The following STARD13 variants were observed in gnomAD, a reference collection of about 807,000 sequenced individuals.
The protein encoded by STARD13 is stAR-related lipid transfer protein 13.
Under a neutral mutation model 106.4 loss-of-function variants are expected in STARD13, and 62 were observed. That is an observed-to-expected ratio of 0.58 (90% CI 0.48 to 0.72). The LOEUF (loss-of-function observed/expected upper bound fraction) is 0.72. Among genes scored for constraint, STARD13 ranks in the 30% least tolerant of loss-of-function variants. STARD13 has a pLI of 0.00. For missense variants in STARD13, 1,387 were observed against 1,424.0 expected (o/e 0.97, Z 0.42); for synonymous variants, 565 against 553.0 (o/e 1.02, Z -0.31).
chr13:33,459,024 T>C, the STARD13 span, among the ~76,000 whole-genome samples: 1 of 152,092 alleles, frequency 6.6e-6, no homozygotes, highest in Non-Finnish European at 1.5e-5. Context: ...ATTACAGGCG[T>C]GGGCACCTGT....
chr13:33,388,883 C>T, the STARD13 span, among the ~76,000 whole-genome samples: 16 of 152,042 alleles, frequency 1.1e-4, no homozygotes, highest in East Asian at 3.1e-3. Flanking sequence ...GTGTCCTGAG[C>T]TCCTAGTACC....
exon 1 of STARD13, chr13:33,350,556 G>A (rs1031497512): frequency 7.8e-6 from 11 of 1,408,474 alleles, no homozygotes; most frequent in African/African-American, 4.5e-5. Context: ...GACATGGGTC[G>A]GTCCGGCGCT....
At chr13:33,589,135 GTGA>G in the STARD13 span, among the ~76,000 whole-genome samples, 1 of 152,142 alleles carries the variant, frequency 6.6e-6, no homozygotes, top group African/African-American at 2.4e-5. Context: ...TGTGGGATCG[GTGA>G]TGATATCCCC....
chr13:33,358,289 C>T, the STARD13 span, among the ~76,000 whole-genome samples: 3 of 152,172 alleles, frequency 2.0e-5, no homozygotes, highest in South Asian at 2.1e-4. Context: ...CTGTGCAGCC[C>T]GAGCCTCCCC....
chr13:33,446,916 G>A, the STARD13 span, among the ~76,000 whole-genome samples: 1 of 152,178 alleles, frequency 6.6e-6, no homozygotes, highest in African/African-American at 2.4e-5. Flanking sequence ...GATCACAGAT[G>A]GCATAGCCCA....
At chr13:33,131,565 A>G (rs906135078) in intron 4 of STARD13, among the ~76,000 whole-genome samples, 2 of 152,158 alleles carry the variant, frequency 1.3e-5, no homozygotes, top group East Asian at 1.9e-4. Flanking sequence ...CCGCAGCAAC[A>G]AAGTGAGACA....
intron 1 of STARD13, among the ~76,000 whole-genome samples, chr13:33,284,601 A>AT (rs1891963128): frequency 6.6e-6 from 1 of 151,712 alleles, no homozygotes; most frequent in African/African-American, 2.4e-5. Context: ...CAATATAATA[A>AT]TTTCTTTTTT....
At chr13:33,487,409 A>C in the STARD13 span, among the ~76,000 whole-genome samples, 1 of 152,218 alleles carries the variant, frequency 6.6e-6, no homozygotes, top group Non-Finnish European at 1.5e-5. Flanking sequence ...TTAAAAATAC[A>C]CAAAATTACT....
At chr13:33,429,929 G>GGGT in the STARD13 span, among the ~76,000 whole-genome samples, 4 of 144,608 alleles carry the variant, frequency 2.8e-5, no homozygotes, top group African/African-American at 1.1e-4. Flanking sequence ...TTTTTTTTTG[G>GGGT]GGGGGGGGGA....
the STARD13 span, among the ~76,000 whole-genome samples, chr13:33,512,765 G>A: frequency 6.6e-6 from 1 of 152,042 alleles, no homozygotes; most frequent in African/African-American, 2.4e-5. Flanking sequence ...CACTGCGCTC[G>A]GCCGTTTTTT....
chr13:33,501,188 T>G, the STARD13 span, among the ~76,000 whole-genome samples: 1 of 147,894 alleles, frequency 6.8e-6, no homozygotes, highest in African/African-American at 2.5e-5. Context: ...GCAATTCTCC[T>G]GCCTCAACCT....
intron 1 of STARD13, among the ~76,000 whole-genome samples, chr13:33,237,759 A>G (rs1423890266): frequency 2.6e-5 from 4 of 152,222 alleles, no homozygotes; most frequent in East Asian, 1.9e-4. Flanking sequence ...GAGAAACACC[A>G]TATTTCCTCT....
chr13:33,361,094 C>T, the STARD13 span, among the ~76,000 whole-genome samples: 8 of 151,352 alleles, frequency 5.3e-5, no homozygotes, highest in East Asian at 3.9e-4. Context: ...CGTGAACCAC[C>T]GCGCCTGGCC....
At chr13:33,445,817 T>C in the STARD13 span, among the ~76,000 whole-genome samples, 2 of 152,040 alleles carry the variant, frequency 1.3e-5, no homozygotes, top group South Asian at 4.1e-4. Context: ...CAAGAACTAA[T>C]AAAGTGAGAA....
chr13:33,629,291 T>G, the STARD13 span, among the ~76,000 whole-genome samples: 1 of 152,236 alleles, frequency 6.6e-6, no homozygotes, highest in Admixed American at 6.5e-5. Flanking sequence ...AATAACACTT[T>G]AACTGGAAAT....
intron 1 of STARD13, among the ~76,000 whole-genome samples, chr13:33,335,877 G>A (rs2077890580): frequency 6.6e-6 from 1 of 152,242 alleles, no homozygotes; most frequent in African/African-American, 2.4e-5. Context: ...AGAAGCCTGG[G>A]CATTAAGTAC....
intron 1 of STARD13, among the ~76,000 whole-genome samples, chr13:33,261,384 A>T (rs760615815): frequency 2.0e-5 from 3 of 152,240 alleles, no homozygotes; most frequent in Non-Finnish European, 2.9e-5. Flanking sequence ...ATAGAGAGTA[A>T]CTACAAAAAT....
chr13:33,388,828 C>T, the STARD13 span, among the ~76,000 whole-genome samples: 1 of 152,134 alleles, frequency 6.6e-6, no homozygotes, highest in Non-Finnish European at 1.5e-5. Context: ...ATATGGGAGG[C>T]ATTGAGCATT....
At position 33,130,394 on chromosome 13, in the gene STARD13, C is replaced by G; in HGVS notation, c.388-105G>C. ...GTGTGGTCCTCCACCTCCCTCCCCT[C>G]TGTCCTCCCATGCACAGGTGTGAGC... is the stretch of plus-strand genomic sequence containing the variant. On this transcript the variant is annotated intron_variant, in intron 4 of 13. Transcript: ENST00000336934. This position sits in a 1 kb window ranked among gnomAD's most constrained non-coding sequence, Gnocchi z 4.1. The G allele has an allele frequency of 9.0e-7, 1 of 1,116,028 alleles. No individual in the cohort carries two copies. Among genetic ancestry groups the G allele is most frequent in the Non-Finnish European group, 1.3e-6 (1 of 779,652 alleles). The allele number at this position is 1,116,028 out of a possible 1,614,324, so 69.1% of individuals were successfully genotyped here. A position where few individuals can be genotyped will look rare whatever the true frequency, so the allele number is the denominator to read the frequency against.
Sources: allele counts gnomAD v4.1 joint callset (sites outside exome capture counted in the v4.1 genomes callset), GRCh38; gene constraint gnomAD v4.1.1; non-coding constraint Gnocchi (gnomAD v3.1); transcripts MANE v1.5; gene names NCBI Gene and HGNC (gene_info 2026-07-23, HGNC 2026-07-21).